PLCB1: variants seen among roughly 807,000 people sequenced by gnomAD.
PLCB1 encodes phospholipase C beta 1.
Under a neutral mutation model 161.8 loss-of-function variants are expected in PLCB1, and 46 were observed. That is an observed-to-expected ratio of 0.28 (90% CI 0.22 to 0.36). The LOEUF is 0.36. Among genes scored for constraint, PLCB1 ranks in the 10% least tolerant of loss-of-function variants. The probability of loss-of-function intolerance (pLI) is 1.00; values close to 1 mark genes in which losing one functional copy is unlikely to be tolerated. For missense variants in PLCB1, 1,016 were observed against 1,472.5 expected (o/e 0.69, Z 5.07); for synonymous variants, 517 against 503.7 (o/e 1.03, Z -0.35).
Position 8,716,363 on chromosome 20 carries a change from T to C in PLCB1, c.1335+15T>C. On this transcript the variant is annotated intron_variant, in intron 13 of 31. Transcript: ENST00000338037. ...AAAAATATCCAGTAAGCAGTTCTGA[T>C]GTTTGTCCTTGAAGGAATGTATGCA... The C allele has an allele frequency of 1.9e-6, 3 of 1,581,338 alleles. No individual in the cohort carries two copies. Among genetic ancestry groups the C allele is most frequent in the Non-Finnish European group, 1.7e-6 (2 of 1,150,200 alleles).
At chr20:8,662,473 AAT>A (rs201342111) in intron 9 of PLCB1, among the ~76,000 whole-genome samples, 7,504 of 137,922 alleles carry the variant, frequency 0.054, 318 homozygotes, top group East Asian at 0.15. Context: ...AATTATGTAT[AAT>A]ATATATATAA....
chr20:8,716,402 A>G (rs374182605), intron 13 of PLCB1, 54 bp downstream of exon 13: 223 of 1,257,558 alleles, frequency 1.8e-4, no homozygotes, highest in Non-Finnish European at 2.5e-4. Context: ...TTGATGAATG[A>G]GGTTGAGGGA....
At chr20:8,307,247 A>C (rs914892190) in intron 2 of PLCB1, among the ~76,000 whole-genome samples, 19 of 152,144 alleles carry the variant, frequency 1.2e-4, no homozygotes, top group African/African-American at 3.4e-4. Context: ...GGGCATTCTG[A>C]GGGGTCAGTT....
chr20:8,500,512 G>A (rs1249998260), intron 3 of PLCB1, among the ~76,000 whole-genome samples: 2 of 152,130 alleles, frequency 1.3e-5, no homozygotes, highest in African/African-American at 4.8e-5. Context: ...GGGATCACAG[G>A]AGAAACTGTA....
chr20:8,823,437 T>C (rs6039291), intron 31 of PLCB1, among the ~76,000 whole-genome samples: 4,020 of 152,288 alleles, frequency 0.026, 164 homozygotes, highest in African/African-American at 0.092. Context: ...CCACCACCCC[T>C]GCCTGCACCA....
chr20:8,222,166 A>G (rs898178245), intron 2 of PLCB1, among the ~76,000 whole-genome samples: 1 of 152,152 alleles, frequency 6.6e-6, no homozygotes, highest in East Asian at 1.9e-4. Context: ...ATCATCTTTA[A>G]AAACACCTTA....
At chr20:8,609,591 G>A (rs1229708939) in intron 3 of PLCB1, among the ~76,000 whole-genome samples, 2 of 152,138 alleles carry the variant, frequency 1.3e-5, no homozygotes, top group African/African-American at 4.8e-5. Context: ...CATCTGTCAA[G>A]AGTAAAAATA....
Position 8,371,394 on chromosome 20 carries a change from C to A in PLCB1, c.190C>A (p.Leu64Met). The change falls in exon 3 of 32, where the codon CTG becomes ATG. Residue 64 changes from leucine to methionine, a missense_variant. By Grantham distance (15) the Leu-to-Met change is conservative. Transcript: ENST00000338037. ...TTTTGCCTTCCAGGAGACAGAGCTA[C>A]TGGATCTCAGCCTTGTCAAAGATGC... ...WTDQNKETEL[L>M]DLSLVKDARC... 1.2e-6 allele frequency: 2 copies of A among 1,613,260 alleles called. No individual in the cohort carries two copies. The highest frequency in any genetic ancestry group is 1.7e-6 in the Non-Finnish European group (2 of 1,179,520).
At chr20:8,374,763 G>C (rs1987020995) in intron 3 of PLCB1, among the ~76,000 whole-genome samples, 1 of 152,132 alleles carries the variant, frequency 6.6e-6, no homozygotes, top group Non-Finnish European at 1.5e-5. Flanking sequence ...TGTAACAAAA[G>C]GACAGATTGA....
intron 2 of PLCB1, among the ~76,000 whole-genome samples, chr20:8,230,927 G>A (rs1979994177): frequency 6.6e-6 from 1 of 152,070 alleles, no homozygotes; most frequent in Non-Finnish European, 1.5e-5. Context: ...GTTGGCCCTT[G>A]TCTCTAACAC....
chr20:8,678,487 A>T (rs1171855804), intron 9 of PLCB1, among the ~76,000 whole-genome samples: 1 of 152,232 alleles, frequency 6.6e-6, no homozygotes, highest in Non-Finnish European at 1.5e-5. Flanking sequence ...GACATGAGGA[A>T]GCGTGTTTCT....
At chr20:8,326,862 A>G (rs946522728) in intron 2 of PLCB1, among the ~76,000 whole-genome samples, 3 of 152,146 alleles carry the variant, frequency 2.0e-5, no homozygotes, top group African/African-American at 7.2e-5. Context: ...GCGTCCAAAT[A>G]AAACTGACTT....
At chr20:8,378,149 A>T (rs1188900055) in intron 3 of PLCB1, among the ~76,000 whole-genome samples, 1 of 152,232 alleles carries the variant, frequency 6.6e-6, no homozygotes, top group Non-Finnish European at 1.5e-5. Flanking sequence ...TGTCGCATAC[A>T]CTTACAATGG....
chr20:8,828,746 G>C (rs539048912), intron 31 of PLCB1, among the ~76,000 whole-genome samples: 58 of 152,252 alleles, frequency 3.8e-4, no homozygotes, highest in African/African-American at 1.4e-3. Flanking sequence ...GATTGTATGG[G>C]GAGTGGGGAG....
At chr20:8,830,306 G>T (rs1985921565) in intron 31 of PLCB1, among the ~76,000 whole-genome samples, 1 of 152,214 alleles carries the variant, frequency 6.6e-6, no homozygotes, top group Admixed American at 6.5e-5. Context: ...GCCAGAGCAT[G>T]CAAGACCATT....
chr20:8,556,098 T>C (rs1427696640), intron 3 of PLCB1, among the ~76,000 whole-genome samples: 1 of 151,948 alleles, frequency 6.6e-6, no homozygotes, highest in Non-Finnish European at 1.5e-5. Context: ...TCTAAGTTAG[T>C]CTTAGAATTT....
chr20:8,378,049 G>T (rs575648616), intron 3 of PLCB1, among the ~76,000 whole-genome samples: 8 of 152,298 alleles, frequency 5.3e-5, no homozygotes, highest in Admixed American at 3.9e-4. Flanking sequence ...AAGAGACTGA[G>T]AATGGTATAT....
At chr20:8,268,787 T>C (rs1038863360) in intron 2 of PLCB1, among the ~76,000 whole-genome samples, 2 of 152,126 alleles carry the variant, frequency 1.3e-5, no homozygotes, top group Non-Finnish European at 2.9e-5. Flanking sequence ...GTCTGTTCAT[T>C]TCCTTTGCCC....
intron 3 of PLCB1, among the ~76,000 whole-genome samples, chr20:8,476,650 A>G (rs1453512580): frequency 1.3e-5 from 2 of 152,210 alleles, no homozygotes; most frequent in African/African-American, 4.8e-5. Context: ...AAATCTTATT[A>G]AAAATATAAA....
Sources: gnomAD v4.1 joint callset for allele counts (sites outside exome capture counted in the v4.1 genomes callset) on GRCh38, gnomAD v4.1.1 for gene constraint, MANE v1.5 for transcripts, NCBI Gene and HGNC (gene_info 2026-07-23, HGNC 2026-07-21) for gene names.